CCDC148: variants seen among roughly 807,000 people sequenced by gnomAD.
CCDC148 encodes coiled-coil domain-containing protein 148.
In CCDC148, 89 loss-of-function variants were observed where a neutral mutation model predicts 85.7. The ratio of observed to expected loss-of-function variants is 1.04; its 90% CI spans 0.87 to 1.24. The LOEUF is 1.24. CCDC148 is among the 50% of genes most tolerant of loss of function. The pLI is 0.00. For synonymous variants in CCDC148, 230 were observed against 213.9 expected, an observed-to-expected ratio of 1.08 and a Z score of -0.66; for missense variants, 692 against 671.7, an observed-to-expected ratio of 1.03 and a Z score of -0.33.
At chr2:158,219,444 G>T (rs74423846) in intron 11 of CCDC148, among the ~76,000 whole-genome samples, 82 of 152,270 alleles carry the variant, frequency 5.4e-4, no homozygotes, top group Admixed American at 1.5e-3. Flanking sequence ...ATTAAGCAGT[G>T]TCAGAAAAGG....
chr2:158,305,755 T>TAA (rs56227304), intron 9 of CCDC148, among the ~76,000 whole-genome samples: 4 of 87,858 alleles, frequency 4.6e-5, no homozygotes, highest in Non-Finnish European at 6.4e-5. Flanking sequence ...CCCTGTCTCT[T>TAA]AAAAAAAAAA....
At chr2:158,442,391 T>C (rs1687972719) in intron 1 of CCDC148, among the ~76,000 whole-genome samples, 1 of 152,200 alleles carries the variant, frequency 6.6e-6, no homozygotes, top group African/African-American at 2.4e-5. Context: ...TCTAAGATCT[T>C]AAGGTCTTAG....
In CCDC148 at chr2:158,430,458, C is replaced by T. The variant is rs141569118; in HGVS notation, c.25+25957G>A. On this transcript the variant is annotated intron_variant, in intron 1 of 13. Transcript: ENST00000283233. ...AGCACTCAAAGCACCAGGAATCAGA[C>T]AAAAAAGTTGATCAATGAACAAAAT... is the stretch of plus-strand genomic sequence containing the variant. Among the ~76,000 whole-genome samples the T allele has an allele frequency of 3.4e-3, 515 of 152,140 alleles. 2 individuals are homozygous for T. Among genetic ancestry groups the T allele is most frequent in the Admixed American group, 6.5e-3 (100 of 15,274 alleles).
At chr2:158,212,660 A>G (rs1365140046) in intron 11 of CCDC148, among the ~76,000 whole-genome samples, 1 of 152,200 alleles carries the variant, frequency 6.6e-6, no homozygotes, top group Admixed American at 6.5e-5. Flanking sequence ...TATTTGGGAA[A>G]AAATAACCTA....
chr2:158,260,515 A>G (rs746370495), intron 9 of CCDC148, among the ~76,000 whole-genome samples: 27 of 152,078 alleles, frequency 1.8e-4, no homozygotes, highest in Non-Finnish European at 3.7e-4. Context: ...TAGCCAGAAC[A>G]ATAAGGTAAC....
intron 11 of CCDC148, among the ~76,000 whole-genome samples, chr2:158,190,598 A>T (rs1685377121): frequency 6.6e-6 from 1 of 152,120 alleles, no homozygotes; most frequent in South Asian, 2.1e-4. Flanking sequence ...TGACTCTTGA[A>T]CTCACAAATG....
At chr2:158,377,741 C>A (rs1003914686) in intron 1 of CCDC148, among the ~76,000 whole-genome samples, 3 of 152,020 alleles carry the variant, frequency 2.0e-5, no homozygotes, top group Non-Finnish European at 2.9e-5. Flanking sequence ...GTTATTACTG[C>A]AAAACCCTTC....
intron 9 of CCDC148, among the ~76,000 whole-genome samples, chr2:158,298,087 T>C (rs999378911): frequency 8.5e-5 from 13 of 152,162 alleles, no homozygotes; most frequent in East Asian, 3.9e-4. Context: ...GGAGAGAGAA[T>C]GAGTGCCCAG....
chr2:158,293,722 G>C (rs1691003006), intron 9 of CCDC148, among the ~76,000 whole-genome samples: 1 of 152,124 alleles, frequency 6.6e-6, no homozygotes, highest in Non-Finnish European at 1.5e-5. Flanking sequence ...AGAAAGGAAG[G>C]TACCCCCAAA....
intron 1 of CCDC148, among the ~76,000 whole-genome samples, chr2:158,399,363 G>A (rs1685671490): frequency 6.6e-6 from 1 of 151,954 alleles, no homozygotes; most frequent in Non-Finnish European, 1.5e-5. Context: ...GAATATCAAT[G>A]GGAAAAATCC....
chr2:158,404,933 T>C (rs1685936937), intron 1 of CCDC148, among the ~76,000 whole-genome samples: 1 of 152,154 alleles, frequency 6.6e-6, no homozygotes, highest in African/African-American at 2.4e-5. Context: ...AGAGATCTTG[T>C]GAATGCATAC....
chr2:158,341,270 T>A (rs1346660801), intron 3 of CCDC148, among the ~76,000 whole-genome samples: 1 of 151,734 alleles, frequency 6.6e-6, no homozygotes, highest in Non-Finnish European at 1.5e-5. Flanking sequence ...GCAACAAATC[T>A]TCATGAGCTT....
intron 1 of CCDC148, among the ~76,000 whole-genome samples, chr2:158,378,361 T>A (rs76165762): frequency 3.3e-4 from 51 of 152,254 alleles, no homozygotes; most frequent in African/African-American, 1.0e-3. Flanking sequence ...AGTTTGAAGC[T>A]GGCAGAAGTT....
intron 7 of CCDC148, among the ~76,000 whole-genome samples, chr2:158,332,950 TA>T (rs1233538146): frequency 1.3e-5 from 2 of 152,236 alleles, no homozygotes; most frequent in East Asian, 3.9e-4. Flanking sequence ...ACTAGCAGTC[TA>T]TTTATTTTGT....
Position 158,456,520 on chromosome 2 carries a change from A to T in CCDC148, c.-81T>A. The T allele has an allele frequency of 6.5e-7, 1 of 1,543,068 alleles. No individual in the cohort carries two copies. The highest frequency in any genetic ancestry group is 8.8e-7 in the Non-Finnish European group (1 of 1,139,364). On this transcript the variant is annotated 5_prime_UTR_variant, in exon 1 of 14. An upstream open reading frame in the 5' UTR loses its in-frame stop. Transcript: ENST00000283233. The stretch of plus-strand genomic sequence containing the variant: ...CGCCCACTCCTGGGCTCTCGCCGTC[A>T]GGGGTACATCTAAGGGCTCAGCTGT...
chr2:158,250,528 CCTA>C (rs1688747238), intron 10 of CCDC148, among the ~76,000 whole-genome samples: 1 of 147,914 alleles, frequency 6.8e-6, no homozygotes, highest in Admixed American at 6.7e-5. Flanking sequence ...TTTTTTTTAA[CCTA>C]CAGCACCTCT....
intron 11 of CCDC148, among the ~76,000 whole-genome samples, chr2:158,189,049 C>T (rs1685292910): frequency 6.6e-6 from 1 of 151,922 alleles, no homozygotes; most frequent in Admixed American, 6.6e-5. Context: ...TACCATCTCA[C>T]ACAGGTCAGA....
At chr2:158,314,901 T>C (rs991141474) in intron 7 of CCDC148, among the ~76,000 whole-genome samples, 5 of 152,170 alleles carry the variant, frequency 3.3e-5, no homozygotes, top group South Asian at 2.1e-4. Context: ...TAAAAAATAT[T>C]TGACAATTTA....
intron 1 of CCDC148, among the ~76,000 whole-genome samples, chr2:158,431,634 A>C (rs913675066): frequency 6.6e-6 from 1 of 152,080 alleles, no homozygotes; most frequent in Non-Finnish European, 1.5e-5. Flanking sequence ...AAAGACCTGC[A>C]CCCTAAGAAT....
Sources: allele counts gnomAD v4.1 joint callset (sites outside exome capture counted in the v4.1 genomes callset), GRCh38; gene constraint gnomAD v4.1.1; transcripts MANE v1.5; gene names NCBI Gene and HGNC (gene_info 2026-07-23, HGNC 2026-07-21).